DOCK1: variants seen among roughly 807,000 people sequenced by gnomAD.
DOCK1 encodes dedicator of cytokinesis 1.
Under a neutral mutation model 262.7 loss-of-function variants are expected in DOCK1, and 138 were observed. That is an observed-to-expected ratio of 0.53 (90% CI 0.46 to 0.61). The LOEUF (loss-of-function observed/expected upper bound fraction) is 0.61. DOCK1 is among the 20% of genes least tolerant of loss of function. The pLI is 0.00. For missense variants in DOCK1, 1,908 were observed against 2,370.7 expected, an observed-to-expected ratio of 0.80 and a Z score of 4.05; for synonymous variants, 866 against 867.4, an observed-to-expected ratio of 1.00 and a Z score of 0.03.
In DOCK1 at chr10:127,364,869, T is replaced by C. The variant is rs185209450; in HGVS notation, c.3432+2657T>C. ...CTTCCTTCTTTCCTCCCGTTCTCTC[T>C]CTTTTTTTCCATGATAGCAGAAGGT... On this transcript the variant is annotated intron_variant, in intron 33 of 51. Transcript: ENST00000623213. Among the ~76,000 whole-genome samples the C allele has an allele frequency of 4.1e-3, 628 of 152,094 alleles. 3 individuals carry two copies. Among genetic ancestry groups the C allele is most frequent in the Non-Finnish European group, 6.8e-3 (465 of 67,982 alleles).
At chr10:127,088,417 G>A (rs1370674591) in intron 23 of DOCK1, among the ~76,000 whole-genome samples, 1 of 152,158 alleles carries the variant, frequency 6.6e-6, no homozygotes, top group East Asian at 1.9e-4. Flanking sequence ...CTGTCCAGCT[G>A]CCTAGTGGTT....
rs78380383 is a variant in DOCK1 at position 127,004,608 on chromosome 10, G to A, written c.986-4124G>A. Among the ~76,000 whole-genome samples the A allele has an allele frequency of 8.3e-3, 1,269 of 151,986 alleles. 16 individuals carry two copies. Among genetic ancestry groups the A allele is most frequent in the African/African-American group, 0.029 (1,218 of 41,442 alleles). ...TAAAAAATACAAAAGTTAGCTGGGCGCTTGGTGGCTTGCACCTGTGGTCCC... is the reference window on the plus strand; with the variant it reads ...TAAAAAATACAAAAGTTAGCTGGGCACTTGGTGGCTTGCACCTGTGGTCCC... On this transcript the variant is annotated intron_variant, in intron 10 of 51. Transcript: ENST00000623213.
At chr10:126,924,852 A>G (rs2033559203) in intron 1 of DOCK1, among the ~76,000 whole-genome samples, 1 of 152,216 alleles carries the variant, frequency 6.6e-6, no homozygotes, top group African/African-American at 2.4e-5. Context: ...CTGGAAATGA[A>G]GGATTGGATG....
intron 16 of DOCK1, among the ~76,000 whole-genome samples, chr10:127,029,532 A>G (rs2043100330): frequency 1.3e-5 from 2 of 152,222 alleles, no homozygotes; most frequent in African/African-American, 4.8e-5. Flanking sequence ...TCTCAGGCCC[A>G]GCTGGCCAGG....
Position 127,127,765 on chromosome 10 carries a change from G to GT in DOCK1, c.2847+2dup, listed in dbSNP as rs2050055803. On this transcript the variant is annotated splice_donor_variant, in intron 27 of 51. Coordinates refer to ENST00000623213, the MANE Select transcript of DOCK1 (RefSeq NM_001290223.2). LOFTEE classifies it high-confidence loss of function. ...CATGGGACGAGATTCTGAACTCATT[G>GT]TAAGTGCTTGGTGACATATGTTTGG... is the stretch of plus-strand genomic sequence containing the variant. 6.2e-7 allele frequency: 1 copy of GT among 1,609,742 alleles called. No individual in the cohort carries two copies. Among genetic ancestry groups the GT allele is most frequent in the Non-Finnish European group, 8.5e-7 (1 of 1,176,742 alleles).
chr10:127,011,291 TA>T (rs2041421579), intron 11 of DOCK1, among the ~76,000 whole-genome samples: 1 of 152,218 alleles, frequency 6.6e-6, no homozygotes, highest in Admixed American at 6.5e-5. Context: ...TTTGCTCCAT[TA>T]AAACTGATTT....
At chr10:127,088,413 A>G (rs2047323970) in intron 23 of DOCK1, among the ~76,000 whole-genome samples, 1 of 152,178 alleles carries the variant, frequency 6.6e-6, no homozygotes, top group African/African-American at 2.4e-5. Context: ...AAAGCTGTCC[A>G]GCTGCCTAGT....
chr10:127,431,889 G>A (rs553450739), intron 47 of DOCK1, among the ~76,000 whole-genome samples: 13 of 152,298 alleles, frequency 8.5e-5, no homozygotes, highest in East Asian at 1.9e-4. Context: ...TCTGTGGCCC[G>A]TTAGGAACTG....
At chr10:127,296,549 C>T (rs2061511239) in intron 29 of DOCK1, among the ~76,000 whole-genome samples, 1 of 152,182 alleles carries the variant, frequency 6.6e-6, no homozygotes, top group Non-Finnish European at 1.5e-5. Flanking sequence ...TGCAAGATGC[C>T]GTCGAGGCTC....
At chr10:127,301,033 A>T (rs1204004134) in intron 29 of DOCK1, among the ~76,000 whole-genome samples, 1 of 152,348 alleles carries the variant, frequency 6.6e-6, no homozygotes, top group East Asian at 1.9e-4. Flanking sequence ...TGTCAAAATC[A>T]TAACTCTCTG....
At chr10:127,298,533 A>G (rs375952091) in intron 29 of DOCK1, among the ~76,000 whole-genome samples, 1 of 152,160 alleles carries the variant, frequency 6.6e-6, no homozygotes, top group Non-Finnish European at 1.5e-5. Context: ...ACCATTGTCA[A>G]CCAGAAAGAA....
At chr10:127,375,828 G>A (rs2065455718) in intron 35 of DOCK1, among the ~76,000 whole-genome samples, 1 of 152,156 alleles carries the variant, frequency 6.6e-6, no homozygotes, top group Non-Finnish European at 1.5e-5. Context: ...TGTCACTCCT[G>A]TCCTCACAAC....
chr10:127,007,370 C>T (rs2041111276), intron 10 of DOCK1: 1 of 152,108 alleles, frequency 6.6e-6, no homozygotes, highest in Non-Finnish European at 1.5e-5. Context: ...TATATGATTA[C>T]TTACATGTTG....
chr10:127,282,338 A>G (rs2060992935), intron 29 of DOCK1, among the ~76,000 whole-genome samples: 1 of 152,034 alleles, frequency 6.6e-6, no homozygotes, highest in South Asian at 2.1e-4. Flanking sequence ...GGCCTGGGGG[A>G]GAAACGTGTG....
chr10:127,314,877 G>A (rs903386616), intron 29 of DOCK1, among the ~76,000 whole-genome samples: 2 of 152,180 alleles, frequency 1.3e-5, no homozygotes, highest in Non-Finnish European at 2.9e-5. Context: ...CAGTAGCAGT[G>A]GTGTGTTCAG....
At chr10:127,404,256 C>T (rs1001653881) in intron 39 of DOCK1, 69 bp from the exon 40 acceptor site, 1 of 1,384,700 alleles carries the variant, frequency 7.2e-7, no homozygotes, top group African/African-American at 1.4e-5. Context: ...AAAGAGCCCG[C>T]AAGAAGAATC....
At chr10:127,200,318 C>T (rs764613715) in intron 27 of DOCK1, among the ~76,000 whole-genome samples, 1 of 152,210 alleles carries the variant, frequency 6.6e-6, no homozygotes, top group Non-Finnish European at 1.5e-5. Context: ...AGGTACAATA[C>T]TCATATATAT....
chr10:127,123,681 C>T (rs1450972869), intron 25 of DOCK1, among the ~76,000 whole-genome samples: 1 of 152,072 alleles, frequency 6.6e-6, no homozygotes, highest in Non-Finnish European at 1.5e-5. Context: ...GGATTCACTC[C>T]CATGAGGTCA....
At chr10:127,168,836 A>G (rs779735595) in intron 27 of DOCK1, among the ~76,000 whole-genome samples, 2 of 152,000 alleles carry the variant, frequency 1.3e-5, no homozygotes, top group Non-Finnish European at 2.9e-5. Flanking sequence ...GCGGTGCACA[A>G]TTTTCCATGT....
Sources: allele counts gnomAD v4.1 joint callset (sites outside exome capture counted in the v4.1 genomes callset), GRCh38; gene constraint gnomAD v4.1.1; transcripts MANE v1.5; gene names NCBI Gene and HGNC (gene_info 2026-07-23, HGNC 2026-07-21).